Variants in DPEP2 observed in about 807,000 individuals in gnomAD.
The protein encoded by DPEP2 is dipeptidase 2.
In DPEP2, 45 loss-of-function variants were observed where a neutral mutation model predicts 51.8. The observed-to-expected ratio is 0.87, with a 90% CI of 0.68 to 1.11. The LOEUF (loss-of-function observed/expected upper bound fraction) is 1.11. DPEP2 is among the 50% of genes most tolerant of loss of function. The pLI, the probability that DPEP2 is intolerant of heterozygous loss-of-function variation, is 0.00. For missense variants in DPEP2, 604 were observed against 631.9 expected, an observed-to-expected ratio of 0.96 and a Z score of 0.47; for synonymous variants, 255 against 262.7, an observed-to-expected ratio of 0.97 and a Z score of 0.28.
At chr16:67,994,727 T>A (rs1425664918) in intron 1 of DPEP2, 1 of 981,736 alleles carries the variant, frequency 1.0e-6, no homozygotes, top group Non-Finnish European at 1.2e-6. Context: ...AACCAACTCT[T>A]CCAAAGGGAC....
At chr16:67,998,561 C>T (rs1247568832) in intron 1 of DPEP2, among the ~76,000 whole-genome samples, 2 of 152,364 alleles carry the variant, frequency 1.3e-5, no homozygotes, top group East Asian at 1.9e-4. Context: ...TGCTCCACAG[C>T]GCCCAGTCCC....
chr16:67,996,657 T>C (rs1366454296), intron 1 of DPEP2, among the ~76,000 whole-genome samples: 1 of 151,962 alleles, frequency 6.6e-6, no homozygotes, highest in Non-Finnish European at 1.5e-5. Flanking sequence ...GCTGGGATTA[T>C]AGGTGTGAGC....
At chr16:67,992,832 A>G in intron 2 of DPEP2, 118 bp downstream of exon 2, 1 of 1,484,988 alleles carries the variant, frequency 6.7e-7, no homozygotes, top group East Asian at 2.4e-5. Context: ...GCATGACGGG[A>G]GAGAGGGCAT....
At chr16:67,998,523 C>T (rs369687913) in intron 1 of DPEP2, among the ~76,000 whole-genome samples, 1 of 152,214 alleles carries the variant, frequency 6.6e-6, no homozygotes, top group African/African-American at 2.4e-5. Flanking sequence ...CCTGTGCGGC[C>T]GGAGCCTCCC....
intron 1 of DPEP2, chr16:67,994,147 G>T: frequency 4.1e-6 from 4 of 985,388 alleles, no homozygotes; most frequent in Non-Finnish European, 4.8e-6. Context: ...CAGAGTCCCC[G>T]GCCGCAGCAC....
In DPEP2 at chr16:67,987,622, G is replaced by C. The variant is rs1265060030; in HGVS notation, c.1345C>G (p.Pro449Ala). 1 of 1,614,196 alleles carries C rather than the reference G, an allele frequency of 6.2e-7. No individual in the cohort carries two copies. Among genetic ancestry groups the C allele is most frequent in the Non-Finnish European group, 8.5e-7 (1 of 1,180,032 alleles). Residue 449 changes from proline (P) to alanine (A), a missense_variant, in exon 11 of 11, where the codon CCC (proline) becomes GCC (alanine). Transcript: ENST00000393847. ...GGTAACTTGGCTGTCCAGTGTATGGGAATCTCAGTGAGTTCCTGGCCTGAA... is the reference window on the plus strand; with the variant it reads ...GGTAACTTGGCTGTCCAGTGTATGGCAATCTCAGTGAGTTCCTGGCCTGAA... ...LTSGQELTEI[P>A]IHWTAKLPAK...
At position 67,990,888 on chromosome 16, in the gene DPEP2, GAGA is replaced by G. The variant is rs2032052419; in HGVS notation, c.839_841del (p.Phe280del). 2.5e-6 allele frequency: 4 copies of G among 1,614,228 alleles called. No individual in the cohort carries two copies. Among genetic ancestry groups the G allele is most frequent in the East Asian group, 2.2e-5 (1 of 44,884 alleles). On this transcript the variant is annotated inframe_deletion, in exon 7 of 11. Coordinates refer to ENST00000393847, the MANE Select transcript of DPEP2 (RefSeq NM_022355.4). ...GCACACACCCCGGGCAGCCGAGTGG[GAGA>G]AGATCACAGGTGCCTGTGACACTTC...
In DPEP2 at chr16:67,994,252, T is replaced by G. The variant is rs1362058058; in HGVS notation, c.-45-995A>C. On this transcript the variant is annotated intron_variant, in intron 1 of 10. Coordinates refer to ENST00000393847, the MANE Select transcript of DPEP2 (RefSeq NM_022355.4). Reference sequence around the variant, plus strand: ...TCGTCCAGGTCAGGAGTAAGGGGCCTGAGGAAAGCCCTGCCACCTGGGTTC... The same window carrying G: ...TCGTCCAGGTCAGGAGTAAGGGGCCGGAGGAAAGCCCTGCCACCTGGGTTC... The G allele has an allele frequency of 1.1e-5, 11 of 985,434 alleles. 1 individual carries two copies. The highest frequency in any genetic ancestry group is 5.2e-4 in the Middle Eastern group (1 of 1,940). 61.0% of individuals were successfully genotyped at this position (985,434 alleles called of 1,614,324 possible).
chr16:67,994,273 G>A (rs2032532550), intron 1 of DPEP2: 1 of 985,402 alleles, frequency 1.0e-6, no homozygotes, highest in Non-Finnish European at 1.2e-6. Flanking sequence ...CTGCCACCTG[G>A]GTTCTGCAGC....
Position 67,993,667 on chromosome 16 carries a change from G to A in DPEP2, c.-45-410C>T, listed in dbSNP as rs185384759. Reference sequence around the variant, plus strand: ...CTGGGAGATCTGCAGACCACGTCATGTCCCCAACCGCCTGCAACGTGTCCC... The same window carrying A: ...CTGGGAGATCTGCAGACCACGTCATATCCCCAACCGCCTGCAACGTGTCCC... On this transcript the variant is annotated intron_variant, in intron 1 of 10. Coordinates refer to ENST00000393847, the MANE Select transcript of DPEP2 (RefSeq NM_022355.4). The A allele has an allele frequency of 1.1e-3, 1,079 of 988,398 alleles. 8 individuals are homozygous for A. The African/African-American group carries it at 0.018, about 17-fold the overall frequency. The allele number at this position is 988,398 out of a possible 1,614,324, so 61.2% of individuals were successfully genotyped here.
chr16:67,991,838 C>T lies in DPEP2; in HGVS notation c.662G>A (p.Trp221Ter), dbSNP rs772615767. The stretch of plus-strand genomic sequence containing the variant: ...CCCACACCATCTGCACTAGGCTCAC[C>T]AGGGTGTGTTGCAGGTGTGGGTGAG... ...LTLTHTCNTP[W>*]AESSAKGVHS... The change falls in exon 5 of 11, where the codon TGG (tryptophan) becomes TAG (stop). Residue 221 changes from tryptophan (W) to a stop codon, truncating the protein, a stop_gained and splice_region_variant. Coordinates refer to ENST00000393847, the MANE Select transcript of DPEP2 (RefSeq NM_022355.4). LOFTEE classifies it high-confidence loss of function. The surrounding 1 kb of genome is among the most constrained non-coding windows in gnomAD (Gnocchi z 5.1). The T allele has an allele frequency of 1.7e-5, 27 of 1,613,836 alleles. No homozygotes were observed. Among genetic ancestry groups the T allele is most frequent in the African/African-American group, 6.7e-5 (5 of 74,920 alleles).
At chr16:67,996,765 G>A (rs1283738659) in intron 1 of DPEP2, among the ~76,000 whole-genome samples, 1 of 151,984 alleles carries the variant, frequency 6.6e-6, no homozygotes, top group Non-Finnish European at 1.5e-5. Flanking sequence ...TAGCTCAGCA[G>A]AGGCAGGCTG....
Position 67,991,887 on chromosome 16 carries a change from T to C in DPEP2, c.613A>G (p.Met205Val). 6.2e-7 allele frequency: 1 copy of C among 1,614,148 alleles called. No individual in the cohort carries two copies. Among genetic ancestry groups the C allele is most frequent in the Non-Finnish European group, 8.5e-7 (1 of 1,180,034 alleles). Residue 205 changes from methionine (M) to valine (V), a missense_variant, in exon 5 of 11, where the codon ATG (methionine) becomes GTG (valine). By Grantham distance (21) the Met-to-Val change is conservative (BLOSUM62 1). Transcript: ENST00000393847. This position sits in a 1 kb window ranked among gnomAD's most constrained non-coding sequence, Gnocchi z 5.1. ...NSLSILRTFYMLGVRYLTLTH... is the reference protein window; with the variant it reads ...NSLSILRTFYVLGVRYLTLTH... ...AGCGTCAGGTAGCGCACTCCCAGCA[T>C]GTAGAAGGTACGTAAGATGGAGAGG...
intron 1 of DPEP2, among the ~76,000 whole-genome samples, chr16:67,996,785 A>G (rs1223283991): frequency 1.3e-5 from 2 of 152,132 alleles, no homozygotes; most frequent in Middle Eastern, 3.4e-3. Flanking sequence ...GAGTTGAGCC[A>G]GTAAAAGTGA....
chr16:67,996,198 G>A (rs562440704), intron 1 of DPEP2, among the ~76,000 whole-genome samples: 138 of 143,342 alleles, frequency 9.6e-4, no homozygotes, highest in Middle Eastern at 3.6e-3. Flanking sequence ...CACCACACTC[G>A]GCTATTTTTT....
rs2151384307 is a variant in DPEP2 at position 67,993,495 on chromosome 16, C to T, written c.-45-238G>A. On this transcript the variant is annotated intron_variant, in intron 1 of 10. Coordinates refer to ENST00000393847, the MANE Select transcript of DPEP2 (RefSeq NM_022355.4). ...CCCTGTCCTGGGCGCCCACTCGCGGCCTGTCTTAGGGCCCTCCACCCTCCC... is the reference window on the plus strand; with the variant it reads ...CCCTGTCCTGGGCGCCCACTCGCGGTCTGTCTTAGGGCCCTCCACCCTCCC... The T allele has an allele frequency of 3.3e-6, 4 of 1,209,748 alleles. No individual in the cohort carries two copies. The South Asian group carries it at 9.8e-5, about 30-fold the overall frequency. 74.9% of individuals were successfully genotyped at this position (1,209,748 alleles called of 1,614,324 possible).
intron 1 of DPEP2, among the ~76,000 whole-genome samples, chr16:67,998,112 C>A (rs1428758102): frequency 6.6e-6 from 1 of 152,214 alleles, no homozygotes; most frequent in East Asian, 1.9e-4. Flanking sequence ...CCCACTTTGG[C>A]GGCACTTGAA....
At chr16:67,988,935 A>G (rs1484528693) in intron 9 of DPEP2, among the ~76,000 whole-genome samples, 1 of 151,978 alleles carries the variant, frequency 6.6e-6, no homozygotes, top group Non-Finnish European at 1.5e-5. Context: ...AAAAGGAAGA[A>G]AGAAGGAGGA....
In DPEP2 at chr16:67,992,126, A is replaced by C; in HGVS notation, c.458T>G (p.Ile153Ser). The change falls in exon 4 of 11, where the codon ATT becomes AGT. Residue 153 changes from isoleucine (I) to serine (S), a missense_variant. By Grantham distance (142) the Ile-to-Ser change is moderately radical. Transcript: ENST00000393847. ...GGCACACATGCGGCGTATGAGGTCAATCTGCTCCAGGGTGAGGCGCAGGGC... is the reference window on the plus strand; with the variant it reads ...GGCACACATGCGGCGTATGAGGTCACTCTGCTCCAGGGTGAGGCGCAGGGC... Reference protein sequence around the residue: ...RDALRLTLEQIDLIRRMCASY... With the variant: ...RDALRLTLEQSDLIRRMCASY... 1 of 1,614,162 alleles carries C rather than the reference A, an allele frequency of 6.2e-7. No homozygotes were observed. Among genetic ancestry groups the C allele is most frequent in the Non-Finnish European group, 8.5e-7 (1 of 1,180,020 alleles).
Sources: gnomAD v4.1 joint callset for allele counts (sites outside exome capture counted in the v4.1 genomes callset) on GRCh38, gnomAD v4.1.1 for gene constraint, Gnocchi (gnomAD v3.1) non-coding constraint, MANE v1.5 for transcripts, NCBI Gene and HGNC (gene_info 2026-07-23, HGNC 2026-07-21) for gene names.